KMT2E: variants seen among roughly 807,000 people sequenced by gnomAD.
The protein encoded by KMT2E is histone reader KMT2E.
Under a neutral mutation model 184.6 loss-of-function variants are expected in KMT2E, and 30 were observed. The observed-to-expected ratio is 0.16, with a 90% confidence interval of 0.12 to 0.22. The LOEUF (loss-of-function observed/expected upper bound fraction) is 0.22. KMT2E is among the 10% of genes least tolerant of loss of function. The pLI is 1.00. For missense variants in KMT2E, 2,023 were observed against 2,237.4 expected (o/e 0.90, Z 1.93); for synonymous variants, 815 against 776.5 (o/e 1.05, Z -0.82).
At position 105,071,636 on chromosome 7, in the gene KMT2E, T is replaced by A. The variant is rs1489591163; in HGVS notation, c.498-1983T>A. ...TTTTTTTTTTTTTTTTTTTTTTTTT[T>A]AAGTAGAGAACAGGGTTTCACCATC... On this transcript the variant is annotated intron_variant, in intron 6 of 26. Coordinates refer to ENST00000311117, the MANE Select transcript of KMT2E (RefSeq NM_182931.3). Among the ~76,000 whole-genome samples, 4 of 117,014 alleles carry A rather than the reference T, an allele frequency of 3.4e-5. No individual in the cohort carries two copies. The East Asian group carries it at 9.0e-4, about 26-fold the overall frequency. The allele number at this position is 117,014 out of a possible 152,430, so 76.8% of individuals were successfully genotyped here. A position where few individuals can be genotyped will look rare whatever the true frequency, so the allele number is the denominator to read the frequency against.
intron 17 of KMT2E, chr7:105,103,708 C>A (rs1584799399): frequency 1.3e-5 from 2 of 150,850 alleles, no homozygotes; most frequent in Admixed American, 1.3e-4. Context: ...ACAGTGGTTA[C>A]CTTTGGAAAA....
At position 105,089,928 on chromosome 7, in the gene KMT2E, A is replaced by C; in HGVS notation, c.1359-81A>C. ...ATAGTAATTGCATACAATTTTGTGG[A>C]GTTGCAGCTTAAAATGGATTAGAAA... On this transcript the variant is annotated intron_variant, in intron 13 of 26. Coordinates refer to ENST00000311117, the MANE Select transcript of KMT2E (RefSeq NM_182931.3). The C allele has an allele frequency of 1.9e-6, 3 of 1,547,016 alleles. No individual in the cohort carries two copies. The South Asian group carries it at 3.8e-5, about 19-fold the overall frequency.
intron 3 of KMT2E, among the ~76,000 whole-genome samples, chr7:105,056,061 G>T: frequency 6.6e-6 from 1 of 152,114 alleles, no homozygotes; most frequent in Non-Finnish European, 1.5e-5. Flanking sequence ...ATCTCTGATG[G>T]TTGCTAGTGA....
At chr7:105,056,638 G>T (rs76642151) in intron 3 of KMT2E, among the ~76,000 whole-genome samples, 6,709 of 152,242 alleles carry the variant, frequency 0.044, 220 homozygotes, top group Non-Finnish European at 0.074. Flanking sequence ...AGGTGTCATT[G>T]GGCTTGTACA....
rs776583618 is a variant in KMT2E at position 105,113,219 on chromosome 7, A to G, written c.5463A>G (p.Pro1821=). The G allele has an allele frequency of 6.2e-7, 1 of 1,614,232 alleles. No homozygotes were observed. The highest frequency in any genetic ancestry group is 8.5e-7 in the Non-Finnish European group (1 of 1,180,036). The change falls in exon 27 of 27, where the codon CCA becomes CCG. Residue 1821 remains proline (P), a synonymous_variant. Transcript: ENST00000311117. ...CTCATCCTGGCTCTGTGGCCCTGCCACATGGGGTTCAAGGACCTCAGCAGG... is the reference window on the plus strand; with the variant it reads ...CTCATCCTGGCTCTGTGGCCCTGCCGCATGGGGTTCAAGGACCTCAGCAGG... ...FCPHPGSVAL[P]HGVQGPQQAS... is the part of the protein sequence containing the mutation.
At chr7:105,052,643 C>T (rs946025614) in intron 3 of KMT2E, among the ~76,000 whole-genome samples, 1 of 152,140 alleles carries the variant, frequency 6.6e-6, no homozygotes, top group Non-Finnish European at 1.5e-5. Context: ...ACTGCAACTT[C>T]TGCATCCTGG....
chr7:105,082,322 C>T (rs937943666), intron 13 of KMT2E, among the ~76,000 whole-genome samples: 1 of 152,112 alleles, frequency 6.6e-6, no homozygotes, highest in Non-Finnish European at 1.5e-5. Flanking sequence ...GTTGGAGCAC[C>T]AACTGCCTGC....
rs145908381 is a variant in KMT2E at position 105,075,691 on chromosome 7, T to G, written c.730-352T>G. ...TATATAGTCTATATACTTTTTTTTTTTTAAAGACAGGATCTTGCTATGTTG... is the reference window on the plus strand; with the variant it reads ...TATATAGTCTATATACTTTTTTTTTGTTAAAGACAGGATCTTGCTATGTTG... On this transcript the variant is annotated intron_variant, in intron 8 of 26. Transcript: ENST00000311117. 3.3e-3 allele frequency among the ~76,000 whole-genome samples: 505 copies of G among 152,040 alleles called. 6 individuals are homozygous for G. Among genetic ancestry groups the G allele is most frequent in the East Asian group, 0.031 (161 of 5,182 alleles).
intron 15 of KMT2E, among the ~76,000 whole-genome samples, chr7:105,098,004 A>G (rs1028106585): frequency 5.3e-5 from 8 of 152,192 alleles, no homozygotes; most frequent in African/African-American, 1.9e-4. Context: ...TATAAATTCC[A>G]TCATCACATG....
intron 12 of KMT2E, among the ~76,000 whole-genome samples, chr7:105,081,423 T>TTATTA (rs1562914567): frequency 3.4e-5 from 5 of 147,810 alleles, no homozygotes; most frequent in South Asian, 4.2e-4. Flanking sequence ...ATATAGTATT[T>TTATTA]TTATTATTAT....
chr7:105,064,128 A>T (rs1028095243), intron 5 of KMT2E: 2 of 310,934 alleles, frequency 6.4e-6, no homozygotes, highest in African/African-American at 4.8e-5. Context: ...TGTGATTGGG[A>T]CAGAAAGTGG....
intron 13 of KMT2E, among the ~76,000 whole-genome samples, chr7:105,082,813 A>G (rs919081475): frequency 2.0e-5 from 3 of 152,214 alleles, no homozygotes; most frequent in Non-Finnish European, 4.4e-5. Flanking sequence ...AGAAGAGTCC[A>G]TATCATAAAA....
chr7:105,078,991 A>G lies in KMT2E; in HGVS notation c.1248+28A>G, dbSNP rs368141845. The stretch of plus-strand genomic sequence containing the variant: ...AAGCTTATAGAAATTTTTTGGGGAG[A>G]TGTGGGTGCTGGGGGTGTGTTGGAA... On this transcript the variant is annotated intron_variant, in intron 12 of 26. Coordinates refer to ENST00000311117, the MANE Select transcript of KMT2E (RefSeq NM_182931.3). 35 of 1,236,740 alleles carry G rather than the reference A, an allele frequency of 2.8e-5. No individual in the cohort carries two copies. The Middle Eastern group carries it at 5.6e-4, about 20-fold the overall frequency. 76.6% of individuals were successfully genotyped at this position (1,236,740 alleles called of 1,614,324 possible).
intron 6 of KMT2E, among the ~76,000 whole-genome samples, chr7:105,068,772 G>A (rs116765328): frequency 0.011 from 1,614 of 151,902 alleles, 19 homozygotes; most frequent in African/African-American, 0.03. Context: ...ACCTTGCCCG[G>A]CCATGTCTCT....
chr7:105,078,181 AC>A (rs1459653214), intron 11 of KMT2E, among the ~76,000 whole-genome samples: 3 of 152,236 alleles, frequency 2.0e-5, no homozygotes, highest in African/African-American at 7.2e-5. Flanking sequence ...TAAGACAGAT[AC>A]TTTTAAATGC....
In KMT2E at chr7:105,091,181, A is replaced by G. The variant is rs1798188942; in HGVS notation, c.1624-35A>G. The G allele has an allele frequency of 8.3e-6, 8 of 958,840 alleles. No homozygotes were observed. The East Asian group carries it at 1.7e-4, about 20-fold the overall frequency. 59.4% of individuals were successfully genotyped at this position (958,840 alleles called of 1,614,324 possible). A position where few individuals can be genotyped will look rare whatever the true frequency, so the allele number is the denominator to read the frequency against. ...TGTCACTAGTTGTATAGATGGAATAATAGTTTGTATAAAGAAGTCATTTCC... is the reference window on the plus strand; with the variant it reads ...TGTCACTAGTTGTATAGATGGAATAGTAGTTTGTATAAAGAAGTCATTTCC... On this transcript the variant is annotated intron_variant, in intron 14 of 26. Coordinates refer to ENST00000311117, the MANE Select transcript of KMT2E (RefSeq NM_182931.3).
Position 105,107,616 on chromosome 7 carries a change from G to A in KMT2E, c.3159G>A (p.Leu1053=), listed in dbSNP as rs1321373074. The A allele has an allele frequency of 1.2e-6, 2 of 1,614,088 alleles. No individual in the cohort carries two copies. The highest frequency in any genetic ancestry group is 3.3e-5 in the Admixed American group (2 of 59,980). The change falls in exon 22 of 27, where the codon CTG becomes CTA. Residue 1053 remains leucine, a synonymous_variant. Transcript: ENST00000311117. Reference sequence around the variant, plus strand: ...ACAGGGCTGAGCCCAACAGCCAACTGGACTCGACTCACTCTGGACGGGGCA... The same window carrying A: ...ACAGGGCTGAGCCCAACAGCCAACTAGACTCGACTCACTCTGGACGGGGCA... ...AHDRAEPNSQ[L]DSTHSGRGTM...
intron 2 of KMT2E, among the ~76,000 whole-genome samples, chr7:105,040,455 T>G (rs1795830478): frequency 6.6e-6 from 1 of 152,196 alleles, no homozygotes; most frequent in Admixed American, 6.5e-5. Flanking sequence ...AAAAGCTGAT[T>G]ATGGTGCTTA....
At chr7:105,035,475 G>A (rs576586433) in intron 1 of KMT2E, among the ~76,000 whole-genome samples, 155 of 149,910 alleles carry the variant, frequency 1.0e-3, no homozygotes, top group African/African-American at 3.6e-3. Context: ...AGCCAAGATC[G>A]GCTTTTTTTT....
Sources: allele counts gnomAD v4.1 joint callset (sites outside exome capture counted in the v4.1 genomes callset), GRCh38; gene constraint gnomAD v4.1.1; transcripts MANE v1.5; gene names NCBI Gene and HGNC (gene_info 2026-07-23, HGNC 2026-07-21).